ATG10: variants seen among roughly 807,000 people sequenced by gnomAD.
The protein encoded by ATG10 is autophagy related 10.
A neutral mutation model predicts 32.1 loss-of-function variants in ATG10; 30 were observed. That is an observed-to-expected ratio of 0.94 (90% CI 0.70 to 1.27). The LOEUF is 1.27. ATG10 is among the 50% of genes most tolerant of loss of function. The pLI is 0.00. For missense variants in ATG10, 233 were observed against 262.3 expected (o/e 0.89, Z 0.77); for synonymous variants, 87 against 91.5 (o/e 0.95, Z 0.28).
chr5:82,177,322 T>C (rs1341897556), intron 4 of ATG10, among the ~76,000 whole-genome samples: 1 of 152,170 alleles, frequency 6.6e-6, no homozygotes, highest in Non-Finnish European at 1.5e-5. Flanking sequence ...TAGTGCTTTT[T>C]CCCCCAACAT....
intron 1 of ATG10, among the ~76,000 whole-genome samples, chr5:81,984,388 C>T (rs1320863660): frequency 6.6e-6 from 1 of 152,252 alleles, no homozygotes; most frequent in East Asian, 1.9e-4. Flanking sequence ...TACAGTCCAG[C>T]TTCGGCTCAG....
At chr5:81,999,005 C>G (rs1761753874) in intron 2 of ATG10, among the ~76,000 whole-genome samples, 1 of 151,982 alleles carries the variant, frequency 6.6e-6, no homozygotes, top group African/African-American at 2.4e-5. Flanking sequence ...TATTTGGGAC[C>G]TGAACTCAAC....
intron 2 of ATG10, among the ~76,000 whole-genome samples, chr5:82,024,111 A>G (rs979529080): frequency 6.6e-6 from 1 of 152,228 alleles, no homozygotes; most frequent in Admixed American, 6.5e-5. Context: ...TTACTCTCAT[A>G]AACCTCAAAG....
At chr5:82,041,108 A>G (rs922069622) in intron 2 of ATG10, among the ~76,000 whole-genome samples, 1 of 152,222 alleles carries the variant, frequency 6.6e-6, no homozygotes, top group Non-Finnish European at 1.5e-5. Flanking sequence ...ACTTATCACT[A>G]TGACATAATA....
At chr5:82,184,041 A>AT (rs1346865860) in intron 5 of ATG10, among the ~76,000 whole-genome samples, 1 of 152,158 alleles carries the variant, frequency 6.6e-6, no homozygotes, top group Admixed American at 6.5e-5. Flanking sequence ...TTGCACATGC[A>AT]TGTTGTGCAA....
chr5:82,101,725 G>A (rs1213816244), intron 3 of ATG10, among the ~76,000 whole-genome samples: 2 of 152,168 alleles, frequency 1.3e-5, no homozygotes, highest in African/African-American at 4.8e-5. Flanking sequence ...TTCAAAAGCA[G>A]CTGGTAAATT....
chr5:81,993,323 CT>C (rs1329244776), intron 2 of ATG10, among the ~76,000 whole-genome samples: 2 of 104,144 alleles, frequency 1.9e-5, no homozygotes, highest in African/African-American at 8.6e-5. Context: ...TTCTTTCTTT[CT>C]TTCCTTCCTT....
chr5:82,138,649 C>G (rs1327817765), intron 3 of ATG10, among the ~76,000 whole-genome samples: 1 of 152,150 alleles, frequency 6.6e-6, no homozygotes, highest in Non-Finnish European at 1.5e-5. Flanking sequence ...GAGCAGCAGA[C>G]TGGAGCTGTT....
chr5:82,142,484 A>G (rs1767191397), intron 3 of ATG10, among the ~76,000 whole-genome samples: 1 of 152,196 alleles, frequency 6.6e-6, no homozygotes, highest in Admixed American at 6.5e-5. Flanking sequence ...CAGGAGAACT[A>G]CAAGTATGAG....
intron 1 of ATG10, among the ~76,000 whole-genome samples, chr5:81,975,363 C>CT (rs1305582802): frequency 6.6e-6 from 1 of 152,150 alleles, no homozygotes. Flanking sequence ...AAGGCAAAGA[C>CT]TGTATTATAC....
chr5:82,235,160 T>C (rs1746506514), intron 5 of ATG10, among the ~76,000 whole-genome samples: 1 of 152,148 alleles, frequency 6.6e-6, no homozygotes, highest in South Asian at 2.1e-4. Context: ...TGGAATCAGC[T>C]ATCATTATGA....
At chr5:82,043,371 A>G (rs1763143152) in intron 2 of ATG10, among the ~76,000 whole-genome samples, 1 of 152,154 alleles carries the variant, frequency 6.6e-6, no homozygotes, top group Admixed American at 6.5e-5. Flanking sequence ...TTTCCTTCCT[A>G]GGGCTCCAGG....
intron 5 of ATG10, among the ~76,000 whole-genome samples, chr5:82,181,514 AC>A (rs1237174792): frequency 6.6e-6 from 1 of 152,134 alleles, no homozygotes; most frequent in Non-Finnish European, 1.5e-5. Context: ...AGTACCACAT[AC>A]AAAAGAAAAC....
intron 5 of ATG10, among the ~76,000 whole-genome samples, chr5:82,196,931 G>A (rs1744872856): frequency 6.6e-6 from 1 of 152,160 alleles, no homozygotes; most frequent in Non-Finnish European, 1.5e-5. Flanking sequence ...CTGCGAAAAT[G>A]TCAGTTGGAA....
At chr5:82,119,095 C>G (rs1765938398) in intron 3 of ATG10, among the ~76,000 whole-genome samples, 3 of 152,136 alleles carry the variant, frequency 2.0e-5, no homozygotes. Flanking sequence ...TGGAGATTTT[C>G]TACTACTTCA....
At chr5:82,036,157 A>C (rs958885038) in intron 2 of ATG10, among the ~76,000 whole-genome samples, 4 of 152,148 alleles carry the variant, frequency 2.6e-5, no homozygotes, top group African/African-American at 9.7e-5. Context: ...CATACTGATT[A>C]CTGACCCATC....
chr5:82,132,322 T>C (rs887047024), intron 3 of ATG10, among the ~76,000 whole-genome samples: 9 of 152,054 alleles, frequency 5.9e-5, no homozygotes, highest in Non-Finnish European at 1.0e-4. Context: ...CATAGGTATG[T>C]ATACATGTGC....
intron 2 of ATG10, among the ~76,000 whole-genome samples, chr5:82,048,199 G>A (rs1425707980): frequency 3.7e-5 from 5 of 133,386 alleles, no homozygotes; most frequent in South Asian, 2.7e-4. Context: ...TTGGCGATGC[G>A]GGCTCTTTTT....
At chr5:82,139,489 C>T (rs1296479504) in intron 3 of ATG10, among the ~76,000 whole-genome samples, 7 of 141,586 alleles carry the variant, frequency 4.9e-5, no homozygotes, top group Admixed American at 1.4e-4. Flanking sequence ...CGCCTCTGCC[C>T]CGCCGCCCCA....
Sources: allele counts gnomAD v4.1 joint callset (sites outside exome capture counted in the v4.1 genomes callset), GRCh38; gene constraint gnomAD v4.1.1; transcripts MANE v1.5; gene names NCBI Gene and HGNC (gene_info 2026-07-23, HGNC 2026-07-21).